The following CHSY3 variants were observed in gnomAD, a reference collection of about 807,000 sequenced individuals.
CHSY3 encodes N-acetylgalactosaminyl-proteoglycan 3-beta-glucuronosyltransferase 3.
A neutral mutation model predicts 67.2 loss-of-function variants in CHSY3; 35 were observed. The observed-to-expected ratio is 0.52, with a 90% CI of 0.40 to 0.69. The LOEUF is 0.69. CHSY3 is among the 30% of genes least tolerant of loss of function. The pLI is 0.00. For missense variants in CHSY3, 1,069 were observed against 1,138.5 expected (o/e 0.94, Z 0.88); for synonymous variants, 474 against 434.7 (o/e 1.09, Z -1.12).
chr5:130,077,057 C>A (rs1766288595), intron 2 of CHSY3, among the ~76,000 whole-genome samples: 1 of 150,934 alleles, frequency 6.6e-6, no homozygotes, highest in African/African-American at 2.4e-5. Flanking sequence ...TGTAACTAAC[C>A]TGCACATTGT....
rs1361907451 is a variant in CHSY3 at position 130,107,407 on chromosome 5, C to G, written c.1087-76822C>G. Among the ~76,000 whole-genome samples, 4 of 151,112 alleles carry G rather than the reference C, an allele frequency of 2.6e-5. No individual in the cohort carries two copies. In the East Asian group the frequency reaches 7.8e-4, roughly 29 times the overall value. On this transcript the variant is annotated intron_variant, in intron 2 of 2. Transcript: ENST00000305031. Reference sequence around the variant, plus strand: ...AACGAAGGTGACTTGCTCTGAGTCTCTTTTACTGAATAATTAAGTATTCCT... The same window carrying G: ...AACGAAGGTGACTTGCTCTGAGTCTGTTTTACTGAATAATTAAGTATTCCT...
At chr5:129,977,840 T>A (rs1230364575) in intron 2 of CHSY3, among the ~76,000 whole-genome samples, 1 of 150,466 alleles carries the variant, frequency 6.6e-6, no homozygotes, top group Non-Finnish European at 1.5e-5. Context: ...TTTGACTTGC[T>A]CAGTATGACC....
At chr5:129,920,755 T>A (rs558555946) in intron 2 of CHSY3, among the ~76,000 whole-genome samples, 13 of 152,240 alleles carry the variant, frequency 8.5e-5, no homozygotes, top group Non-Finnish European at 1.9e-4. Flanking sequence ...TCTCTTTCTT[T>A]GTAATTTCAT....
chr5:129,909,121 T>TA (rs1475371867), intron 2 of CHSY3, among the ~76,000 whole-genome samples: 4 of 152,250 alleles, frequency 2.6e-5, no homozygotes, highest in East Asian at 1.9e-4. Context: ...ATGAAATACT[T>TA]AGAGATTTTT....
At chr5:129,988,012 A>G (rs987553685) in intron 2 of CHSY3, among the ~76,000 whole-genome samples, 1 of 152,198 alleles carries the variant, frequency 6.6e-6, no homozygotes, top group Non-Finnish European at 1.5e-5. Context: ...TAGGTACCTG[A>G]AATAATCTAC....
chr5:130,080,593 CA>C (rs1403589233), intron 2 of CHSY3, among the ~76,000 whole-genome samples: 2 of 152,058 alleles, frequency 1.3e-5, no homozygotes, highest in African/African-American at 4.8e-5. Flanking sequence ...GATCAGAACT[CA>C]GGGTGGGCTC....
intron 2 of CHSY3, among the ~76,000 whole-genome samples, chr5:129,988,905 G>T (rs78608208): frequency 6.6e-6 from 1 of 152,122 alleles, no homozygotes; most frequent in South Asian, 2.1e-4. Context: ...CATCAGAGGG[G>T]CCCATTTGTC....
chr5:129,920,939 C>T (rs1157279290), intron 2 of CHSY3, among the ~76,000 whole-genome samples: 1 of 152,116 alleles, frequency 6.6e-6, no homozygotes, highest in Non-Finnish European at 1.5e-5. Context: ...CAACTTCAGC[C>T]TCCTGAGCAG....
chr5:129,932,734 T>C (rs924775941), intron 2 of CHSY3, among the ~76,000 whole-genome samples: 2 of 152,142 alleles, frequency 1.3e-5, no homozygotes, highest in African/African-American at 4.8e-5. Flanking sequence ...TATTGACTAA[T>C]ACCCATTTTA....
At chr5:130,138,479 G>C (rs1768746109) in intron 2 of CHSY3, among the ~76,000 whole-genome samples, 1 of 152,212 alleles carries the variant, frequency 6.6e-6, no homozygotes, top group Non-Finnish European at 1.5e-5. Context: ...CAGCTAGGTG[G>C]GAAATGTGAA....
chr5:130,152,351 A>G (rs1769256015), intron 2 of CHSY3, among the ~76,000 whole-genome samples: 1 of 152,208 alleles, frequency 6.6e-6, no homozygotes, highest in Non-Finnish European at 1.5e-5. Flanking sequence ...ACAGCTGCAG[A>G]CTGACTATTA....
chr5:130,061,350 G>C (rs1453284203), intron 2 of CHSY3, among the ~76,000 whole-genome samples: 1 of 152,032 alleles, frequency 6.6e-6, no homozygotes, highest in African/African-American at 2.4e-5. Flanking sequence ...AGAAAAATAG[G>C]CCAGCAATAT....
intron 2 of CHSY3, among the ~76,000 whole-genome samples, chr5:130,008,227 A>C (rs1343139023): frequency 2.6e-5 from 4 of 151,752 alleles, no homozygotes; most frequent in African/African-American, 9.7e-5. Flanking sequence ...CCCACCCCCC[A>C]TACCCCCCAT....
At chr5:130,033,258 A>G (rs1764752189) in intron 2 of CHSY3, among the ~76,000 whole-genome samples, 5 of 152,138 alleles carry the variant, frequency 3.3e-5, no homozygotes, top group Admixed American at 3.3e-4. Flanking sequence ...GTCTAGTGTA[A>G]TCATCATTTG....
At chr5:130,051,908 A>G (rs897773288) in intron 2 of CHSY3, among the ~76,000 whole-genome samples, 1 of 150,784 alleles carries the variant, frequency 6.6e-6, no homozygotes, top group East Asian at 2.0e-4. Context: ...CAGTAGTAGA[A>G]TTGGGAATGA....
At chr5:129,995,842 C>T (rs1763523592) in intron 2 of CHSY3, among the ~76,000 whole-genome samples, 1 of 151,962 alleles carries the variant, frequency 6.6e-6, no homozygotes, top group Non-Finnish European at 1.5e-5. Context: ...TGTCTTCTTT[C>T]TCTCTGTTTC....
chr5:129,998,483 T>C (rs1008406538), intron 2 of CHSY3, among the ~76,000 whole-genome samples: 1 of 152,166 alleles, frequency 6.6e-6, no homozygotes, highest in Non-Finnish European at 1.5e-5. Context: ...CATTTATATA[T>C]CTATAGGACA....
intron 2 of CHSY3, among the ~76,000 whole-genome samples, chr5:129,942,706 A>G (rs1230787282): frequency 2.6e-5 from 4 of 152,136 alleles, no homozygotes; most frequent in African/African-American, 9.7e-5. Flanking sequence ...TTCAAAGCCT[A>G]TTATCTTTGC....
chr5:130,056,118 T>G (rs1013463871), intron 2 of CHSY3, among the ~76,000 whole-genome samples: 1 of 152,200 alleles, frequency 6.6e-6, no homozygotes, highest in African/African-American at 2.4e-5. Flanking sequence ...CAAACTGTAC[T>G]TTCTTTCCTA....
Sources: gnomAD v4.1 joint callset for allele counts (sites outside exome capture counted in the v4.1 genomes callset) on GRCh38, gnomAD v4.1.1 for gene constraint, MANE v1.5 for transcripts, NCBI Gene and HGNC (gene_info 2026-07-23, HGNC 2026-07-21) for gene names.